ERBB4: variants seen among roughly 807,000 people sequenced by gnomAD.
ERBB4 encodes receptor tyrosine-protein kinase erbB-4.
ERBB4 carries 42 observed loss-of-function variants against 158.0 expected under a neutral mutation model. That is an observed-to-expected ratio of 0.27 (90% CI 0.21 to 0.34). The LOEUF (loss-of-function observed/expected upper bound fraction) is 0.34. ERBB4 is among the 10% of genes least tolerant of loss of function. ERBB4 has a pLI of 1.00. For missense variants in ERBB4, 1,333 were observed against 1,624.1 expected (o/e 0.82, Z 3.08); for synonymous variants, 583 against 558.7 (o/e 1.04, Z -0.61).
chr2:211,709,228 T>C (rs940831369), intron 9 of ERBB4, among the ~76,000 whole-genome samples: 1 of 116,652 alleles, frequency 8.6e-6, no homozygotes, highest in African/African-American at 3.3e-5. Flanking sequence ...TATATATGCG[T>C]GTGTGTGTAT....
At chr2:212,407,973 C>T (rs2091394723) in intron 1 of ERBB4, among the ~76,000 whole-genome samples, 2 of 151,714 alleles carry the variant, frequency 1.3e-5, no homozygotes, top group South Asian at 2.1e-4. Context: ...AAAGTACTTT[C>T]GCATGTATAG....
intron 12 of ERBB4, among the ~76,000 whole-genome samples, chr2:211,684,310 G>A (rs1047697116): frequency 1.3e-5 from 2 of 152,128 alleles, no homozygotes; most frequent in Admixed American, 1.3e-4. Context: ...AATTAGCTGG[G>A]CATGGTGTTG....
chr2:211,935,603 T>TG (rs201958767), intron 3 of ERBB4, among the ~76,000 whole-genome samples: 5,397 of 152,108 alleles, frequency 0.035, 134 homozygotes, highest in Middle Eastern at 0.088. Flanking sequence ...CCTTCAAACT[T>TG]GAAGGCCAGG....
At chr2:211,695,195 C>T (rs1412540405) in intron 12 of ERBB4, among the ~76,000 whole-genome samples, 1 of 152,110 alleles carries the variant, frequency 6.6e-6, no homozygotes, top group African/African-American at 2.4e-5. Flanking sequence ...AACTCTTTGG[C>T]CTGCTTCAAT....
chr2:211,393,293 C>T (rs1179861100), intron 25 of ERBB4, among the ~76,000 whole-genome samples: 4 of 152,058 alleles, frequency 2.6e-5, no homozygotes, highest in Non-Finnish European at 5.9e-5. Context: ...TTTATTTATT[C>T]TTATAAACTT....
At chr2:211,478,017 A>G (rs563741266) in intron 20 of ERBB4, among the ~76,000 whole-genome samples, 2 of 152,284 alleles carry the variant, frequency 1.3e-5, no homozygotes, top group East Asian at 3.9e-4. Context: ...TCCAAGCTAC[A>G]ACACCACTTG....
intron 3 of ERBB4, among the ~76,000 whole-genome samples, chr2:211,942,886 A>G (rs2125125562): frequency 6.6e-6 from 1 of 152,246 alleles, no homozygotes; most frequent in East Asian, 1.9e-4. Context: ...GTAGTGTGAT[A>G]AATATAGGTA....
chr2:211,531,919 C>T (rs543815447), intron 20 of ERBB4, among the ~76,000 whole-genome samples: 1 of 152,060 alleles, frequency 6.6e-6, no homozygotes, highest in African/African-American at 2.4e-5. Flanking sequence ...AATGTCCATC[C>T]ACAGATGAAT....
At chr2:211,524,564 G>T (rs532883808) in intron 20 of ERBB4, among the ~76,000 whole-genome samples, 1 of 152,144 alleles carries the variant, frequency 6.6e-6, no homozygotes, top group Non-Finnish European at 1.5e-5. Flanking sequence ...CAAGCGCAGC[G>T]CTGGTGGGCT....
intron 20 of ERBB4, among the ~76,000 whole-genome samples, chr2:211,435,126 A>G (rs1157912342): frequency 6.6e-6 from 1 of 152,224 alleles, no homozygotes; most frequent in East Asian, 1.9e-4. Context: ...AATTATTAGA[A>G]ATAACAGTGA....
intron 1 of ERBB4, among the ~76,000 whole-genome samples, chr2:212,353,765 C>T (rs2089354683): frequency 6.6e-6 from 1 of 151,238 alleles, no homozygotes; most frequent in Non-Finnish European, 1.5e-5. Context: ...GGCACCAGAT[C>T]ATAAGACTCA....
intron 4 of ERBB4, among the ~76,000 whole-genome samples, chr2:211,756,590 T>C (rs2075292343): frequency 6.6e-6 from 1 of 152,158 alleles, no homozygotes; most frequent in Non-Finnish European, 1.5e-5. Flanking sequence ...GTTTGACCTG[T>C]AGGGTAGAAA....
chr2:211,529,153 T>C (rs2066428738), intron 20 of ERBB4, among the ~76,000 whole-genome samples: 1 of 142,522 alleles, frequency 7.0e-6, no homozygotes, highest in Admixed American at 6.9e-5. Flanking sequence ...AAAAAAAAAA[T>C]TAGAGATGAA....
intron 12 of ERBB4, among the ~76,000 whole-genome samples, chr2:211,700,133 C>T (rs6435658): frequency 0.42 from 63,317 of 151,490 alleles, 13,382 homozygotes; most frequent in South Asian, 0.48. Context: ...TGGAAGGAAA[C>T]GAGAGTATAG....
intron 2 of ERBB4, among the ~76,000 whole-genome samples, chr2:212,079,416 T>G (rs1222438571): frequency 6.6e-6 from 1 of 151,994 alleles, no homozygotes; most frequent in Non-Finnish European, 1.5e-5. Flanking sequence ...GTTGGTTGAG[T>G]TCCTAAGAAA....
chr2:212,391,672 TTATA>T, intron 1 of ERBB4, among the ~76,000 whole-genome samples: 2 of 129,430 alleles, frequency 1.5e-5, no homozygotes, highest in Non-Finnish European at 3.3e-5. Context: ...GTATTATATT[TTATA>T]TATATTATAT....
At chr2:212,326,107 G>A (rs375522369) in intron 1 of ERBB4, among the ~76,000 whole-genome samples, 3 of 150,406 alleles carry the variant, frequency 2.0e-5, no homozygotes, top group Non-Finnish European at 4.5e-5. Flanking sequence ...CCCAAATTGG[G>A]ATGCTTTTAA....
chr2:211,550,905 G>A (rs955783092), intron 20 of ERBB4, among the ~76,000 whole-genome samples: 3 of 150,566 alleles, frequency 2.0e-5, no homozygotes, highest in South Asian at 2.1e-4. Flanking sequence ...GAAATACACC[G>A]AGACACCGCA....
At chr2:211,514,306 T>C (rs527560081) in intron 20 of ERBB4, among the ~76,000 whole-genome samples, 11 of 152,238 alleles carry the variant, frequency 7.2e-5, no homozygotes, top group Non-Finnish European at 1.5e-4. Flanking sequence ...GAAAGTAATG[T>C]CTCACTGCAA....
Sources: gnomAD v4.1 joint callset for allele counts (sites outside exome capture counted in the v4.1 genomes callset) on GRCh38, gnomAD v4.1.1 for gene constraint, MANE v1.5 for transcripts, NCBI Gene and HGNC (gene_info 2026-07-23, HGNC 2026-07-21) for gene names.